ROBO2: variants seen among roughly 807,000 people sequenced by gnomAD.
The protein encoded by ROBO2 is roundabout guidance receptor 2, also known as roundabout homolog 2.
A neutral mutation model predicts 160.8 loss-of-function variants in ROBO2; 53 were observed. The observed-to-expected ratio is 0.33, with a 90% confidence interval of 0.26 to 0.41. The LOEUF is 0.41. ROBO2 is among the 10% of genes least tolerant of loss of function. The probability of loss-of-function intolerance (pLI) is 1.00; values close to 1 mark genes in which losing one functional copy is unlikely to be tolerated. For missense variants in ROBO2, 1,577 were observed against 1,722.4 expected, an observed-to-expected ratio of 0.92 and a Z score of 1.49; for synonymous variants, 664 against 611.7, an observed-to-expected ratio of 1.09 and a Z score of -1.26.
intron 2 of ROBO2, among the ~76,000 whole-genome samples, chr3:76,379,500 A>G (rs1335108701): frequency 1.3e-5 from 2 of 152,170 alleles, no homozygotes; most frequent in Non-Finnish European, 2.9e-5. Context: ...TTCTTGGGCT[A>G]TGCTTGTAGT....
chr3:77,118,775 AT>A (rs1213821924), intron 2 of ROBO2, among the ~76,000 whole-genome samples: 2 of 152,180 alleles, frequency 1.3e-5, no homozygotes, highest in Non-Finnish European at 2.9e-5. Context: ...ACATTAGGCA[AT>A]TTTTACATTG....
chr3:76,815,597 CT>C (rs2065597955), intron 2 of ROBO2, among the ~76,000 whole-genome samples: 2 of 151,024 alleles, frequency 1.3e-5, no homozygotes, highest in Admixed American at 1.3e-4. Context: ...TCTTTTTTTT[CT>C]TTTTCTATTT....
intron 2 of ROBO2, among the ~76,000 whole-genome samples, chr3:76,335,858 G>T (rs1460763949): frequency 6.6e-6 from 1 of 152,158 alleles, no homozygotes; most frequent in Non-Finnish European, 1.5e-5. Context: ...TTACAGGTGT[G>T]AGCCACCGCG....
intron 2 of ROBO2, among the ~76,000 whole-genome samples, chr3:77,366,946 C>T (rs181342802): frequency 8.5e-5 from 13 of 152,056 alleles, no homozygotes; most frequent in African/African-American, 2.6e-4. Flanking sequence ...AAGGGACCAC[C>T]TCCATTAGGC....
rs577165014 is a variant in ROBO2 at position 77,536,381 on chromosome 3, T to C, written c.935-9957T>C. On this transcript the variant is annotated intron_variant, in intron 6 of 25. Coordinates refer to ENST00000461745, the Ensembl canonical transcript of ROBO2. ...AGAACAAATCAAATTTGTTTCTCTC[T>C]CTCTTTCCCTCTCTCTCTTCTTTTC... Among the ~76,000 whole-genome samples the C allele has an allele frequency of 6.6e-5, 10 of 152,022 alleles. No homozygotes were observed. In the South Asian group the frequency reaches 2.1e-3, roughly 32 times the overall value.
intron 2 of ROBO2, among the ~76,000 whole-genome samples, chr3:76,806,214 C>CGCGTGT (rs1553912103): frequency 6.8e-6 from 1 of 146,168 alleles, no homozygotes; most frequent in Non-Finnish European, 1.5e-5. Flanking sequence ...TTTCTGTGTG[C>CGCGTGT]GTGTGTGTGT....
rs575715507 is a variant in ROBO2 at position 75,958,951 on chromosome 3, A to G, written c.109+21349A>G. Among the ~76,000 whole-genome samples, 141 of 151,802 alleles carry G rather than the reference A, an allele frequency of 9.3e-4. 1 individual carries two copies. Among genetic ancestry groups the G allele is most frequent in the African/African-American group, 3.1e-3 (127 of 41,474 alleles). On this transcript the variant is annotated intron_variant, in intron 2 of 26. Coordinates refer to the ROBO2 transcript ENST00000487694. ...AGGTATCCAATTTCATTTAGCTTCA[A>G]TTTCCTGTAATTTGACGGCTGTCAA...
At chr3:77,252,831 A>AAAAATATATATATAT in intron 2 of ROBO2, among the ~76,000 whole-genome samples, 1 of 12,520 alleles carries the variant, frequency 8.0e-5, no homozygotes, top group African/African-American at 1.6e-4. Context: ...AAAAAAAAAA[A>AAAAATATATATATAT]ATATATATAT....
chr3:77,219,489 G>GTATATATATATATATA (rs10654899), intron 2 of ROBO2, among the ~76,000 whole-genome samples: 19 of 111,476 alleles, frequency 1.7e-4, no homozygotes, highest in African/African-American at 2.3e-4. Flanking sequence ...TATATAATCT[G>GTATATATATATATATA]TATATATATA....
intron 2 of ROBO2, among the ~76,000 whole-genome samples, chr3:76,592,637 A>G (rs1038181763): frequency 2.0e-5 from 3 of 152,126 alleles, no homozygotes; most frequent in African/African-American, 7.2e-5. Context: ...ACAAATTACT[A>G]CCAAATTAGT....
chr3:77,421,523 C>T (rs532536793), intron 2 of ROBO2, among the ~76,000 whole-genome samples: 1 of 151,906 alleles, frequency 6.6e-6, no homozygotes, highest in African/African-American at 2.4e-5. Flanking sequence ...TCATATAACG[C>T]CATAGAAATA....
chr3:77,590,979 C>T lies in ROBO2; in HGVS notation c.2683+2046C>T, dbSNP rs191247257. Among the ~76,000 whole-genome samples the T allele has an allele frequency of 2.6e-5, 4 of 152,026 alleles. No homozygotes were observed. The East Asian group carries it at 7.8e-4, about 29-fold the overall frequency. On this transcript the variant is annotated intron_variant, in intron 17 of 25. Transcript: ENST00000461745. ...CCCTTCAGGTGTTTTGGAGTAAGGC[C>T]AAGCCAGAGAGAAGCCTTTCAGAAG...
chr3:76,569,941 ATAGGGAGACATTG>A (rs1464948050), intron 2 of ROBO2, among the ~76,000 whole-genome samples: 3 of 152,206 alleles, frequency 2.0e-5, no homozygotes, highest in Non-Finnish European at 4.4e-5. Flanking sequence ...CCTGGGCAAC[ATAGGGAGACATTG>A]TCTCTAATAA....
At chr3:77,542,427 G>T (rs1313654513) in intron 6 of ROBO2, among the ~76,000 whole-genome samples, 1 of 152,138 alleles carries the variant, frequency 6.6e-6, no homozygotes, top group Non-Finnish European at 1.5e-5. Context: ...GTTCCAGCAA[G>T]ATCAATGTGG....
intron 1 of ROBO2, among the ~76,000 whole-genome samples, chr3:77,093,370 T>A (rs1020628308): frequency 1.4e-4 from 22 of 152,176 alleles, no homozygotes; most frequent in African/African-American, 5.1e-4. Context: ...ACTGTTTTGT[T>A]CTCAGTCCCC....
chr3:76,049,080 G>C (rs1016148765), intron 2 of ROBO2, among the ~76,000 whole-genome samples: 8 of 152,074 alleles, frequency 5.3e-5, no homozygotes, highest in African/African-American at 1.9e-4. Context: ...CATCTCTTTG[G>C]GGGAGAGAGT....
At chr3:76,401,376 T>C (rs1367047590) in intron 2 of ROBO2, among the ~76,000 whole-genome samples, 11 of 151,560 alleles carry the variant, frequency 7.3e-5, no homozygotes, top group Non-Finnish European at 1.6e-4. Context: ...AAGCTTGTGT[T>C]TAAATCATTT....
intron 2 of ROBO2, among the ~76,000 whole-genome samples, chr3:76,409,465 A>G (rs1489039249): frequency 6.6e-6 from 1 of 152,100 alleles, no homozygotes; most frequent in Non-Finnish European, 1.5e-5. Context: ...TTTCCTTATC[A>G]GTTAACATAT....
At chr3:76,601,357 C>G (rs1166643499) in intron 2 of ROBO2, among the ~76,000 whole-genome samples, 1 of 152,212 alleles carries the variant, frequency 6.6e-6, no homozygotes, top group Non-Finnish European at 1.5e-5. Flanking sequence ...CCCACGTTTC[C>G]CTTCAGCACT....
Sources: gnomAD v4.1 joint callset for allele counts (sites outside exome capture counted in the v4.1 genomes callset) on GRCh38, gnomAD v4.1.1 for gene constraint, MANE v1.5 for transcripts, NCBI Gene and HGNC (gene_info 2026-07-23, HGNC 2026-07-21) for gene names.